The following NAPG variants were observed in gnomAD, a reference collection of about 807,000 sequenced individuals.
The protein encoded by NAPG is gamma-soluble NSF attachment protein.
A neutral mutation model predicts 48.4 loss-of-function variants in NAPG; 25 were observed. That is an observed-to-expected ratio of 0.52 (90% CI 0.38 to 0.72). The LOEUF (loss-of-function observed/expected upper bound fraction) is 0.72. NAPG is among the 30% of genes least tolerant of loss of function. NAPG has a pLI of 0.00. For missense variants in NAPG, 359 were observed against 372.5 expected (o/e 0.96, Z 0.30); for synonymous variants, 139 against 127.2 (o/e 1.09, Z -0.62).
At chr18:10,528,695 C>T (rs1226401541) in intron 1 of NAPG, among the ~76,000 whole-genome samples, 1 of 151,836 alleles carries the variant, frequency 6.6e-6, no homozygotes, top group East Asian at 1.9e-4. Context: ...ACTTGGGAGA[C>T]GAGTGGGAGA....
chr18:10,550,407 T>A lies in NAPG; in HGVS notation c.*187T>A. On this transcript the variant is annotated 3_prime_UTR_variant, in exon 12 of 12. Transcript: ENST00000322897. The stretch of plus-strand genomic sequence containing the variant: ...GTATCCATTACCTGTGAAGCATATC[T>A]TTTTCTTTCCATAAGAGCTTTTCTA... 3.8e-6 allele frequency: 2 copies of A among 521,124 alleles called. 1 individual carries two copies. The highest frequency in any genetic ancestry group is 6.1e-5 in the South Asian group (2 of 32,718). 32.3% of individuals were successfully genotyped at this position (521,124 alleles called of 1,614,324 possible).
Position 10,550,244 on chromosome 18 carries a change from G to T in NAPG, c.*24G>T. 1 of 1,561,870 alleles carries T rather than the reference G, an allele frequency of 6.4e-7. No individual in the cohort carries two copies. The highest frequency in any genetic ancestry group is 8.6e-7 in the Non-Finnish European group (1 of 1,158,632). On this transcript the variant is annotated 3_prime_UTR_variant, in exon 12 of 12. Transcript: ENST00000322897. Reference sequence around the variant, plus strand: ...AGTATTTTGCTTGCTGAAAAGAAAAGGGAAACAAAGGTAAAATCCTGACAT... The same window carrying T: ...AGTATTTTGCTTGCTGAAAAGAAAATGGAAACAAAGGTAAAATCCTGACAT...
intron 5 of NAPG, among the ~76,000 whole-genome samples, chr18:10,536,894 C>A (rs2032044273): frequency 1.3e-5 from 2 of 151,908 alleles, no homozygotes; most frequent in East Asian, 3.9e-4. Context: ...GGATGCCAAC[C>A]CCTTGTGCAG....
Position 10,550,459 on chromosome 18 carries a change from T to G in NAPG, c.*239T>G, listed in dbSNP as rs1158057850. The G allele has an allele frequency of 5.3e-6, 2 of 379,094 alleles. No individual in the cohort carries two copies. Among genetic ancestry groups the G allele is most frequent in the South Asian group, 3.5e-5 (1 of 28,300 alleles). 23.5% of individuals were successfully genotyped at this position (379,094 alleles called of 1,614,324 possible). On this transcript the variant is annotated 3_prime_UTR_variant, in exon 12 of 12. Coordinates refer to ENST00000322897, the MANE Select transcript of NAPG (RefSeq NM_003826.3). Reference sequence around the variant, plus strand: ...GACACCAGCAGGAATTAACAGAAAATGTACTGTCATGTTTTAATACATTGA... The same window carrying G: ...GACACCAGCAGGAATTAACAGAAAAGGTACTGTCATGTTTTAATACATTGA...
At chr18:10,527,730 T>G (rs947370172) in intron 1 of NAPG, among the ~76,000 whole-genome samples, 1 of 152,146 alleles carries the variant, frequency 6.6e-6, no homozygotes, top group African/African-American at 2.4e-5. Context: ...TACGCGGGCC[T>G]GAAAATGTGC....
Position 10,534,548 on chromosome 18 carries a change from A to C in NAPG, c.258+52A>C, listed in dbSNP as rs2031994526. ...GTGTAGGTAAAATGAATTAACTACA[A>C]GGTGTTAAACAAGAATTTTTGTTGA... On this transcript the variant is annotated intron_variant, in intron 5 of 11. Coordinates refer to ENST00000322897, the MANE Select transcript of NAPG (RefSeq NM_003826.3). This position sits in a 1 kb window ranked among gnomAD's most constrained non-coding sequence, Gnocchi z 5.0. The C allele has an allele frequency of 6.4e-7, 1 of 1,554,862 alleles. No homozygotes were observed. Among genetic ancestry groups the C allele is most frequent in the African/African-American group, 1.4e-5 (1 of 73,846 alleles).
chr18:10,530,148 T>C lies in NAPG; in HGVS notation c.57-622T>C, dbSNP rs2031898064. On this transcript the variant is annotated intron_variant, in intron 1 of 11. Transcript: ENST00000322897. ...TCTTGGCTTTTGTAATATCCTTCCC[T>C]TTCTGATTATCCTTCTTGTTTATGG... Among the ~76,000 whole-genome samples, 4 of 151,432 alleles carry C rather than the reference T, an allele frequency of 2.6e-5. No homozygotes were observed. In the South Asian group the frequency reaches 8.3e-4, roughly 32 times the overall value.
chr18:10,526,066 G>T lies in NAPG; in HGVS notation c.-37G>T. ...TCTTGGCGCCGGAGGAAGAGGCAGG[G>T]TCACCCTCTCTCCACGTCAGAGACC... On this transcript the variant is annotated 5_prime_UTR_variant, in exon 1 of 12. Coordinates refer to ENST00000322897, the MANE Select transcript of NAPG (RefSeq NM_003826.3). 1 of 1,603,666 alleles carries T rather than the reference G, an allele frequency of 6.2e-7. No homozygotes were observed.
At chr18:10,528,054 C>T (rs903959473) in intron 1 of NAPG, among the ~76,000 whole-genome samples, 2 of 152,090 alleles carry the variant, frequency 1.3e-5, no homozygotes, top group African/African-American at 4.8e-5. Context: ...GCTGTGGTGG[C>T]GCGCACCTGT....
At chr18:10,533,620 T>C (rs1181493523) in intron 4 of NAPG, 67 bp downstream of exon 4, 1 of 1,353,752 alleles carries the variant, frequency 7.4e-7, no homozygotes, top group East Asian at 2.4e-5. Flanking sequence ...TTTCTGTAGG[T>C]TGGTAATTTT....
chr18:10,535,051 A>G (rs933553610), intron 5 of NAPG, among the ~76,000 whole-genome samples: 2 of 152,232 alleles, frequency 1.3e-5, no homozygotes, highest in African/African-American at 2.4e-5. Flanking sequence ...GACAGAACAT[A>G]CTACTTTATG....
chr18:10,539,705 C>T lies in NAPG; in HGVS notation c.259-57C>T, dbSNP rs775760340. On this transcript the variant is annotated intron_variant, in intron 5 of 11. Coordinates refer to ENST00000322897, the MANE Select transcript of NAPG (RefSeq NM_003826.3). This position sits in a 1 kb window ranked among gnomAD's most constrained non-coding sequence, Gnocchi z 4.7. ...ATAATTGCATTTCAGATTGTTAACTCTGTTTTTCTTTAATTGATGCATTTG... is the reference window on the plus strand; with the variant it reads ...ATAATTGCATTTCAGATTGTTAACTTTGTTTTTCTTTAATTGATGCATTTG... 6.2e-5 allele frequency: 81 copies of T among 1,314,946 alleles called. No individual in the cohort carries two copies. The highest frequency in any genetic ancestry group is 8.6e-5 in the Non-Finnish European group (79 of 917,930). 81.5% of individuals were successfully genotyped at this position (1,314,946 alleles called of 1,614,324 possible). A position where few individuals can be genotyped will look rare whatever the true frequency, so the allele number is the denominator to read the frequency against.
rs1249445092 is a variant in NAPG, at chr18:10,544,087, G to A, written c.507-2239G>A. Among the ~76,000 whole-genome samples the A allele has an allele frequency of 2.6e-5, 4 of 152,124 alleles. No homozygotes were observed. Among genetic ancestry groups the A allele is most frequent in the African/African-American group, 7.2e-5 (3 of 41,412 alleles). The stretch of plus-strand genomic sequence containing the variant: ...TAGAATGATATAATCTAGACACGAC[G>A]GGCACAGAATATTCTGACCATAATT... On this transcript the variant is annotated intron_variant, in intron 8 of 11. Coordinates refer to ENST00000322897, the MANE Select transcript of NAPG (RefSeq NM_003826.3). This position sits in a 1 kb window ranked among gnomAD's most constrained non-coding sequence, Gnocchi z 5.1.
intron 3 of NAPG, 152 bp from the exon 4 acceptor site, chr18:10,533,384 A>G: frequency 1.8e-6 from 1 of 564,658 alleles, no homozygotes; most frequent in Non-Finnish European, 3.0e-6. Context: ...ATTGACAGGT[A>G]TTGAATTACT....
intron 3 of NAPG, 148 bp downstream of exon 3, chr18:10,532,943 T>C: frequency 1.5e-6 from 1 of 671,516 alleles, no homozygotes; most frequent in Non-Finnish European, 2.5e-6. Context: ...TTTTAAACTA[T>C]GAAGGAGCGT....
Position 10,539,993 on chromosome 18 carries a change from T to C in NAPG, c.374T>C (p.Ile125Thr), listed in dbSNP as rs1190999019. The change falls in exon 7 of 12, where the codon ATA becomes ACA. Residue 125 changes from isoleucine (I) to threonine (T), a missense_variant. By Grantham distance (89) the Ile-to-Thr change is moderately conservative. Coordinates refer to ENST00000322897, the MANE Select transcript of NAPG (RefSeq NM_003826.3). The surrounding 1 kb of genome is among the most constrained non-coding windows in gnomAD (Gnocchi z 4.7). ...TGTTTTCTTGTCTGATTCAGGCTTA[T>C]AGAAAATGTTGATCCAGAGAAGGCT... ...AMALERAGKLIENVDPEKAVQ... is the reference protein window; with the variant it reads ...AMALERAGKLTENVDPEKAVQ... 6.2e-7 allele frequency: 1 copy of C among 1,603,296 alleles called. No homozygotes were observed. Among genetic ancestry groups the C allele is most frequent in the Non-Finnish European group, 8.5e-7 (1 of 1,174,122 alleles).
Position 10,548,426 on chromosome 18 carries a change from T to C in NAPG, c.665+48T>C, listed in dbSNP as rs760603842. On this transcript the variant is annotated intron_variant, in intron 10 of 11. Coordinates refer to ENST00000322897, the MANE Select transcript of NAPG (RefSeq NM_003826.3). This position sits in a 1 kb window ranked among gnomAD's most constrained non-coding sequence, Gnocchi z 4.4. ...TTGACTTGCAGTGGCGACACCTCTGTGTCTACAACTAAGATTGCTGCTAGG... is the reference window on the plus strand; with the variant it reads ...TTGACTTGCAGTGGCGACACCTCTGCGTCTACAACTAAGATTGCTGCTAGG... 4 of 1,416,970 alleles carry C rather than the reference T, an allele frequency of 2.8e-6. No homozygotes were observed. Among genetic ancestry groups the C allele is most frequent in the Non-Finnish European group, 4.0e-6 (4 of 1,002,316 alleles). 87.8% of individuals were successfully genotyped at this position (1,416,970 alleles called of 1,614,324 possible).
chr18:10,531,514 C>T (rs937146861), intron 2 of NAPG, among the ~76,000 whole-genome samples: 1 of 152,124 alleles, frequency 6.6e-6, no homozygotes, highest in African/African-American at 2.4e-5. Context: ...TGTATTTCAG[C>T]GATAGCCCTT....
rs138150514 is a variant in NAPG at position 10,530,336 on chromosome 18, T to C, written c.57-434T>C. Among the ~76,000 whole-genome samples, 30 of 152,116 alleles carry C rather than the reference T, an allele frequency of 2.0e-4. No individual in the cohort carries two copies. The East Asian group carries it at 5.2e-3, about 26-fold the overall frequency. ...GCTCTTGACATATGCTTATGATGCC[T>C]CCATTTATGTCTCTAGACTCTTGTC... On this transcript the variant is annotated intron_variant, in intron 1 of 11. Transcript: ENST00000322897.
Sources: gnomAD v4.1 joint callset for allele counts (sites outside exome capture counted in the v4.1 genomes callset) on GRCh38, gnomAD v4.1.1 for gene constraint, Gnocchi (gnomAD v3.1) non-coding constraint, MANE v1.5 for transcripts, NCBI Gene and HGNC (gene_info 2026-07-23, HGNC 2026-07-21) for gene names.